The following TMC1 variants were observed in gnomAD, a reference collection of about 807,000 sequenced individuals.
The protein encoded by TMC1 is transmembrane channel-like protein 1.
TMC1 carries 84 observed loss-of-function variants against 105.8 expected under a neutral mutation model. The observed-to-expected ratio is 0.79, with a 90% CI of 0.67 to 0.95. The LOEUF (loss-of-function observed/expected upper bound fraction) is 0.95, where lower values mean the gene tolerates loss of function less well. Ranked by LOEUF, TMC1 falls within the 40% of genes least tolerant of loss-of-function variation. The probability of loss-of-function intolerance (pLI) is 0.00; values close to 1 mark genes in which losing one functional copy is unlikely to be tolerated. For missense variants in TMC1, 817 were observed against 914.1 expected, an observed-to-expected ratio of 0.89 and a Z score of 1.37; for synonymous variants, 315 against 311.5, an observed-to-expected ratio of 1.01 and a Z score of -0.12.
chr9:72,820,718 G>C (rs989751000), intron 19 of TMC1, 124 bp from the exon 20 acceptor site: 2 of 1,193,598 alleles, frequency 1.7e-6, no homozygotes, highest in Non-Finnish European at 1.2e-6. Flanking sequence ...GGGTTTGTCT[G>C]GTTGAAAGTG....
chr9:72,571,982 A>G (rs1313087836), intron 1 of TMC1, among the ~76,000 whole-genome samples: 1 of 151,570 alleles, frequency 6.6e-6, no homozygotes, highest in Non-Finnish European at 1.5e-5. Context: ...GATTACAGGC[A>G]TGTACTACCA....
At chr9:72,821,312 G>A (rs779394792) in intron 20 of TMC1, among the ~76,000 whole-genome samples, 4 of 151,906 alleles carry the variant, frequency 2.6e-5, no homozygotes, top group African/African-American at 9.7e-5. Flanking sequence ...TGGCCAACAC[G>A]GTGAAACCTC....
chr9:72,722,705 C>T (rs1296508986), intron 8 of TMC1, among the ~76,000 whole-genome samples: 7 of 152,010 alleles, frequency 4.6e-5, no homozygotes, highest in Non-Finnish European at 2.9e-5. Flanking sequence ...TTTTGTTGGA[C>T]ATTCATTTCC....
intron 1 of TMC1, among the ~76,000 whole-genome samples, chr9:72,554,144 C>T (rs1823895756): frequency 6.6e-6 from 1 of 152,152 alleles, no homozygotes; most frequent in Non-Finnish European, 1.5e-5. Context: ...CAGTCAGAAG[C>T]ACTGACGGAT....
At chr9:72,731,855 A>C (rs1827215997) in intron 8 of TMC1, among the ~76,000 whole-genome samples, 1 of 152,186 alleles carries the variant, frequency 6.6e-6, no homozygotes, top group South Asian at 2.1e-4. Flanking sequence ...CCCTTTGTTC[A>C]GGGTTCCTTG....
intron 2 of TMC1, among the ~76,000 whole-genome samples, chr9:72,583,747 T>C (rs1011311274): frequency 7.9e-5 from 12 of 152,268 alleles, no homozygotes; most frequent in African/African-American, 2.9e-4. Context: ...ATGGCCCATA[T>C]ATCTGGACTC....
intron 4 of TMC1, among the ~76,000 whole-genome samples, chr9:72,632,422 G>T (rs950167704): frequency 2.4e-4 from 36 of 152,112 alleles, no homozygotes; most frequent in African/African-American, 6.8e-4. Flanking sequence ...CACATTGAGG[G>T]AGCAAGGAGC....
intron 2 of TMC1, among the ~76,000 whole-genome samples, chr9:72,609,736 A>G (rs1464775468): frequency 6.6e-6 from 1 of 152,200 alleles, no homozygotes; most frequent in East Asian, 1.9e-4. Context: ...CTCTTCTTCA[A>G]CATCTAACTA....
chr9:72,650,906 AT>A (rs1019857476), intron 5 of TMC1, among the ~76,000 whole-genome samples: 4 of 142,986 alleles, frequency 2.8e-5, no homozygotes, highest in African/African-American at 1.0e-4. Context: ...ATATATAAAT[AT>A]ATATAGATAT....
chr9:72,722,265 A>G (rs1827039311), intron 8 of TMC1, among the ~76,000 whole-genome samples: 1 of 152,046 alleles, frequency 6.6e-6, no homozygotes, highest in Non-Finnish European at 1.5e-5. Context: ...TGTCTCTAAA[A>G]CCTCAGGCTT....
At chr9:72,688,910 C>T (rs1826417791) in intron 6 of TMC1, among the ~76,000 whole-genome samples, 154 bp downstream of exon 6, 1 of 152,072 alleles carries the variant, frequency 6.6e-6, no homozygotes, top group Non-Finnish European at 1.5e-5. Context: ...GTTCAGCAAA[C>T]AGAATCCCCA....
chr9:72,619,636 ATATGT>A (rs1180353125), intron 3 of TMC1, among the ~76,000 whole-genome samples: 1 of 151,846 alleles, frequency 6.6e-6, no homozygotes, highest in African/African-American at 2.4e-5. Context: ...TTAATACAAA[ATATGT>A]TATTTAACTA....
chr9:72,532,965 T>C (rs375999048), intron 1 of TMC1, among the ~76,000 whole-genome samples: 6 of 152,168 alleles, frequency 3.9e-5, no homozygotes, highest in African/African-American at 1.4e-4. Flanking sequence ...GAGTAGAGGA[T>C]CCTGTTTCAG....
chr9:72,559,791 C>T (rs1824013512), intron 1 of TMC1, among the ~76,000 whole-genome samples: 1 of 152,076 alleles, frequency 6.6e-6, no homozygotes, highest in Non-Finnish European at 1.5e-5. Context: ...TGAATAGAAA[C>T]ACAGAAATGA....
rs555097930 is a variant in TMC1 at position 72,652,701 on chromosome 9, A to C, written c.16+4037A>C. ...GAGCTCTCTCTGTCTTTGTCTCATCATAATTTGAAGCAGATTAACTACATA... is the reference window on the plus strand; with the variant it reads ...GAGCTCTCTCTGTCTTTGTCTCATCCTAATTTGAAGCAGATTAACTACATA... On this transcript the variant is annotated intron_variant, in intron 5 of 23. Coordinates refer to ENST00000297784, the MANE Select transcript of TMC1 (RefSeq NM_138691.3). Among the ~76,000 whole-genome samples, 6 of 152,362 alleles carry C rather than the reference A, an allele frequency of 3.9e-5. No homozygotes were observed. In the South Asian group the frequency reaches 1.2e-3, roughly 32 times the overall value.
chr9:72,667,163 A>G (rs1826057004), intron 5 of TMC1, among the ~76,000 whole-genome samples: 1 of 152,182 alleles, frequency 6.6e-6, no homozygotes, highest in South Asian at 2.1e-4. Context: ...AAAGCAGGGT[A>G]GGGGAACTAG....
At chr9:72,641,810 CTTTTTTTTTT>C (rs896125209) in intron 4 of TMC1, among the ~76,000 whole-genome samples, 7 of 86,996 alleles carry the variant, frequency 8.0e-5, no homozygotes, top group East Asian at 3.4e-4. Flanking sequence ...AGTCCCAAAT[CTTTTTTTTTT>C]TTTTTTTTTT....
chr9:72,541,509 G>A (rs1823677021), intron 1 of TMC1, among the ~76,000 whole-genome samples: 2 of 152,064 alleles, frequency 1.3e-5, no homozygotes, highest in Admixed American at 1.3e-4. Flanking sequence ...CAAATATGAT[G>A]AAACCCCGTC....
chr9:72,728,632 T>C (rs944189421), intron 8 of TMC1, among the ~76,000 whole-genome samples: 1 of 152,120 alleles, frequency 6.6e-6, no homozygotes, highest in African/African-American at 2.4e-5. Context: ...ACCCTTCTAT[T>C]ATCTTAGCAG....
Sources: gnomAD v4.1 joint callset for allele counts (sites outside exome capture counted in the v4.1 genomes callset) on GRCh38, gnomAD v4.1.1 for gene constraint, MANE v1.5 for transcripts, NCBI Gene and HGNC (gene_info 2026-07-23, HGNC 2026-07-21) for gene names.